Variants in CCDC7 observed in about 807,000 individuals in gnomAD.
CCDC7 encodes coiled-coil domain containing 7, also known as coiled-coil domain-containing protein 7.
Under a neutral mutation model 196.9 loss-of-function variants are expected in CCDC7, and 183 were observed. The ratio of observed to expected loss-of-function variants is 0.93; its 90% confidence interval spans 0.82 to 1.05. The LOEUF is 1.05. Among genes scored for constraint, CCDC7 ranks in the 50% least tolerant of loss-of-function variants. The pLI is 0.00. For synonymous variants in CCDC7, 525 were observed against 484.6 expected (o/e 1.08, Z -1.10); for missense variants, 1,540 against 1,482.2 (o/e 1.04, Z -0.64).
At chr10:32,532,600 A>G (rs1042201761) in intron 11 of CCDC7, among the ~76,000 whole-genome samples, 2 of 152,118 alleles carry the variant, frequency 1.3e-5, no homozygotes, top group Admixed American at 6.5e-5. Flanking sequence ...ATTACAGTTT[A>G]TCTCTCCCTA....
chr10:32,529,637 A>G (rs773404016), intron 11 of CCDC7, among the ~76,000 whole-genome samples: 1 of 152,034 alleles, frequency 6.6e-6, no homozygotes, highest in East Asian at 1.9e-4. Flanking sequence ...GTTCCTGCTA[A>G]TTTGTTTCAG....
chr10:32,700,628 C>T (rs1369572005), intron 24 of CCDC7, among the ~76,000 whole-genome samples: 1 of 152,156 alleles, frequency 6.6e-6, no homozygotes, highest in Non-Finnish European at 1.5e-5. Context: ...GGCATTGAAT[C>T]TATAAATTAC....
chr10:32,475,139 TTCTC>T (rs1335512420), intron 8 of CCDC7, among the ~76,000 whole-genome samples: 1 of 152,170 alleles, frequency 6.6e-6, no homozygotes, highest in African/African-American at 2.4e-5. Flanking sequence ...CTCTCTCTTT[TTCTC>T]TCTCTCAATC....
At chr10:32,818,517 CA>C (rs1324831953) in intron 31 of CCDC7, among the ~76,000 whole-genome samples, 2 of 152,080 alleles carry the variant, frequency 1.3e-5, no homozygotes, top group Non-Finnish European at 2.9e-5. Context: ...CTCTCCACCC[CA>C]AATCAACAGA....
intron 32 of CCDC7, among the ~76,000 whole-genome samples, chr10:32,828,546 G>GAAT (rs1321474684): frequency 1.4e-5 from 2 of 147,392 alleles, no homozygotes; most frequent in African/African-American, 5.0e-5. Flanking sequence ...AGAAGAAGAA[G>GAAT]AAGAAGAAGA....
intron 13 of CCDC7, among the ~76,000 whole-genome samples, chr10:32,559,035 G>A (rs550188433): frequency 2.0e-5 from 3 of 152,350 alleles, no homozygotes; most frequent in African/African-American, 4.8e-5. Flanking sequence ...TGGCTTGGAG[G>A]GTCGTACGCC....
chr10:32,551,757 G>C (rs534966150), intron 13 of CCDC7, among the ~76,000 whole-genome samples: 1 of 152,260 alleles, frequency 6.6e-6, no homozygotes, highest in East Asian at 1.9e-4. Flanking sequence ...TGTGGTCTGA[G>C]AGAGTGCTTG....
At chr10:32,602,211 C>G (rs2061115334) in intron 18 of CCDC7, among the ~76,000 whole-genome samples, 1 of 151,804 alleles carries the variant, frequency 6.6e-6, no homozygotes, top group African/African-American at 2.4e-5. Flanking sequence ...GCTGTTAACA[C>G]TCACTGCGAA....
chr10:32,565,611 G>A (rs370754047), exon 14 of CCDC7: 31 of 1,608,576 alleles, frequency 1.9e-5, no homozygotes, highest in Non-Finnish European at 8.5e-7. Flanking sequence ...AATTGAAACA[G>A]GCTTTACAGG....
At chr10:32,752,228 T>C (rs2075772292) in intron 28 of CCDC7, among the ~76,000 whole-genome samples, 1 of 150,080 alleles carries the variant, frequency 6.7e-6, no homozygotes, top group East Asian at 1.9e-4. Context: ...GGTTGACTAG[T>C]ATTTATAGCC....
intron 30 of CCDC7, among the ~76,000 whole-genome samples, chr10:32,810,917 C>T (rs1218074094): frequency 1.3e-5 from 2 of 151,916 alleles, no homozygotes; most frequent in Non-Finnish European, 2.9e-5. Flanking sequence ...CATGAATGAT[C>T]ACTGAATCAA....
chr10:32,641,136 TTGCTG>T (rs531070545), intron 20 of CCDC7, among the ~76,000 whole-genome samples: 47 of 152,246 alleles, frequency 3.1e-4, no homozygotes, highest in African/African-American at 1.1e-3. Context: ...TGTCTTGGAG[TTGCTG>T]TTCTCAAAGC....
At chr10:32,754,951 C>T (rs1171327006) in intron 28 of CCDC7, among the ~76,000 whole-genome samples, 2 of 152,198 alleles carry the variant, frequency 1.3e-5, no homozygotes, top group Non-Finnish European at 2.9e-5. Flanking sequence ...TCTTAGCAAA[C>T]AGCACACCAG....
At chr10:32,760,137 A>C (rs1479485402) in intron 28 of CCDC7, among the ~76,000 whole-genome samples, 2 of 152,076 alleles carry the variant, frequency 1.3e-5, no homozygotes, top group African/African-American at 2.4e-5. Context: ...ACACTTTTAC[A>C]CTGTTGGTGG....
intron 32 of CCDC7, among the ~76,000 whole-genome samples, chr10:32,829,811 G>A (rs1186451997): frequency 6.6e-6 from 1 of 151,890 alleles, no homozygotes; most frequent in African/African-American, 2.4e-5. Context: ...ATTTGAGTCA[G>A]TAGACTGGAA....
Position 32,828,995 on chromosome 10 carries a change from G to C in CCDC7, c.3268+4391G>C, listed in dbSNP as rs57787487. Among the ~76,000 whole-genome samples, 15 of 152,208 alleles carry C rather than the reference G, an allele frequency of 9.9e-5. No individual in the cohort carries two copies. The East Asian group carries it at 2.9e-3, about 29-fold the overall frequency. ...TTAAGAGTGCCACATGGACACTTTG[G>C]GCTCCTCCTACCTTTAAATCAACAG... is the stretch of plus-strand genomic sequence containing the variant. On this transcript the variant is annotated intron_variant, in intron 32 of 41. Coordinates refer to ENST00000639629, the Ensembl canonical transcript of CCDC7.
chr10:32,732,844 T>C (rs542130905), intron 28 of CCDC7, among the ~76,000 whole-genome samples: 1 of 152,144 alleles, frequency 6.6e-6, no homozygotes, highest in South Asian at 2.1e-4. Context: ...ATCTTTTTAA[T>C]ATTAGTATTT....
At chr10:32,462,385 G>T (rs1031994918) in intron 3 of CCDC7, among the ~76,000 whole-genome samples, 5 of 152,226 alleles carry the variant, frequency 3.3e-5, no homozygotes, top group Non-Finnish European at 7.4e-5. Context: ...TGAGTGCACC[G>T]CTGCACTCAA....
chr10:32,876,552 C>T (rs1361444664), downstream of CCDC7: 1 of 612,446 alleles, frequency 1.6e-6, no homozygotes, highest in Non-Finnish European at 2.8e-6. Flanking sequence ...AGGGTAGGCC[C>T]AGATCACAGA....
Sources: allele counts gnomAD v4.1 joint callset (sites outside exome capture counted in the v4.1 genomes callset), GRCh38; gene constraint gnomAD v4.1.1; transcripts MANE v1.5; gene names NCBI Gene and HGNC (gene_info 2026-07-23, HGNC 2026-07-21).